SLC35B1: variants seen among roughly 807,000 people sequenced by gnomAD.
SLC35B1 encodes the protein ATP/ADP exchanger ER.
SLC35B1 carries 27 observed loss-of-function variants against 36.6 expected under a neutral mutation model. The observed-to-expected ratio is 0.74, with a 90% CI of 0.54 to 1.02. The LOEUF (loss-of-function observed/expected upper bound fraction) is 1.02, where lower values mean the gene tolerates loss of function less well. SLC35B1 is among the 50% of genes least tolerant of loss of function. The pLI is 0.00. For missense variants in SLC35B1, 321 were observed against 383.2 expected, an observed-to-expected ratio of 0.84 and a Z score of 1.35; for synonymous variants, 162 against 152.5, an observed-to-expected ratio of 1.06 and a Z score of -0.46.
In SLC35B1 at chr17:49,706,240, G is replaced by A. The variant is rs11552685; in HGVS notation, c.303C>T (p.Ser101=). The change falls in exon 3 of 9, where the codon AGC becomes AGT. Residue 101 remains serine, a synonymous_variant. Transcript: ENST00000240333. ...SISYLGAMVS[S]NSALQFVNYP... ...AGTTGACAAACTGTAGTGCTGAATTGCTGGAGACCATGGCACCCAGATAGG... is the reference window on the plus strand; with the variant it reads ...AGTTGACAAACTGTAGTGCTGAATTACTGGAGACCATGGCACCCAGATAGG... 2,773 of 1,607,516 alleles carry A rather than the reference G, an allele frequency of 1.7e-3. 24 individuals are homozygous for A. The East Asian group carries it at 0.021, about 12-fold the overall frequency.
At position 49,704,773 on chromosome 17, in the gene SLC35B1, A is replaced by AGCTAC. The variant is rs1443744418; in HGVS notation, c.528+346_528+350dup. On this transcript the variant is annotated intron_variant, in intron 5 of 8. Coordinates refer to ENST00000240333, the MANE Select transcript of SLC35B1 (RefSeq NM_005827.4). The stretch of plus-strand genomic sequence containing the variant: ...GAACAGTGCCTAATGCATACATACC[A>AGCTAC]GCTACTATCATATTATTTTAAACTC... Among the ~76,000 whole-genome samples the AGCTAC allele has an allele frequency of 3.9e-5, 6 of 152,344 alleles. No individual in the cohort carries two copies. In the South Asian group the frequency reaches 1.0e-3, roughly 26 times the overall value.
chr17:49,704,174 C>T lies in SLC35B1; in HGVS notation c.581G>A (p.Arg194Gln), dbSNP rs2073386448. The T allele has an allele frequency of 8.1e-6, 13 of 1,614,076 alleles. No homozygotes were observed. Among genetic ancestry groups the T allele is most frequent in the South Asian group, 2.2e-5 (2 of 91,084 alleles). ...GTTGGAGCCTGTTTGGTAATGAGCC[C>T]GCATGTGGTCCTGGGAAACACCAGT... ...GLTGVSQDHM[R>Q]AHYQTGSNHM... The change falls in exon 6 of 9, where the codon CGG (arginine) becomes CAG (glutamine). Residue 194 changes from arginine (R) to glutamine (Q), a missense_variant. Coordinates refer to ENST00000240333, the MANE Select transcript of SLC35B1 (RefSeq NM_005827.4).
At chr17:49,703,127 C>A in intron 7 of SLC35B1, 61 bp downstream of exon 7, 1 of 1,589,926 alleles carries the variant, frequency 6.3e-7, no homozygotes, top group South Asian at 1.1e-5. Context: ...CCAGGCCAGT[C>A]TTTCTTAGGG....
chr17:49,701,285 G>C lies in SLC35B1; in HGVS notation c.*173C>G, dbSNP rs1236001095. ...CATGAAGAACAAAAACCACCACTCT[G>C]TCTTGTTAAAATCCAAGTGCATTTT... On this transcript the variant is annotated 3_prime_UTR_variant, in exon 9 of 9. Coordinates refer to ENST00000240333, the MANE Select transcript of SLC35B1 (RefSeq NM_005827.4). 1 of 595,184 alleles carries C rather than the reference G, an allele frequency of 1.7e-6. No individual in the cohort carries two copies. Among genetic ancestry groups the C allele is most frequent in the African/African-American group, 1.9e-5 (1 of 53,680 alleles). The allele number at this position is 595,184 out of a possible 1,614,324, so 36.9% of individuals were successfully genotyped here. A position where few individuals can be genotyped will look rare whatever the true frequency, so the allele number is the denominator to read the frequency against.
At chr17:49,705,754 TG>T in intron 4 of SLC35B1, 111 bp downstream of exon 4, 1 of 1,037,736 alleles carries the variant, frequency 9.6e-7, no homozygotes, top group Non-Finnish European at 1.5e-6. Context: ...GGAAAGTCCC[TG>T]GAGACAGCCA....
At position 49,707,956 on chromosome 17, in the gene SLC35B1, GC is replaced by G; in HGVS notation, c.-124del. On this transcript the variant is annotated 5_prime_UTR_variant, in exon 1 of 9. Transcript: ENST00000240333. ...GGCAGGGGCCTCATAGGAGCTGCAT[GC>G]GACCGCTGTCCAGCAGGGCCCAGCA... 6.5e-7 allele frequency: 1 copy of G among 1,548,756 alleles called. No individual in the cohort carries two copies. The highest frequency in any genetic ancestry group is 8.7e-7 in the Non-Finnish European group (1 of 1,146,188).
At chr17:49,705,933 G>A (rs1001098651) in intron 3 of SLC35B1, 37 bp from the exon 4 acceptor site, 3 of 1,607,338 alleles carry the variant, frequency 1.9e-6, no homozygotes, top group Middle Eastern at 1.7e-4. Flanking sequence ...CTGAGCATCT[G>A]TGATGTGTCA....
At chr17:49,707,657 C>T (rs969087064) in intron 1 of SLC35B1, 73 bp downstream of exon 1, 1 of 1,538,262 alleles carries the variant, frequency 6.5e-7, no homozygotes, top group Non-Finnish European at 8.8e-7. Context: ...AAGCCCGGGT[C>T]CAGAGGCAGA....
Position 49,703,279 on chromosome 17 carries a change from C to T in SLC35B1, c.671G>A (p.Gly224Glu), listed in dbSNP as rs1184878280. ...LLLGMGILFT[G>E]ELWEFLSFAE... ...AAAGCTCAAGAACTCCCAGAGCTCC[C>T]CAGTGAACAGGATTCCTGAGAAGAC... The change falls in exon 7 of 9, where the codon GGG (glycine) becomes GAG (glutamate). Residue 224 changes from glycine to glutamate, a missense_variant. By Grantham distance (98) the Gly-to-Glu change is moderately conservative. Transcript: ENST00000240333. 6.2e-7 allele frequency: 1 copy of T among 1,612,904 alleles called. No homozygotes were observed. Among genetic ancestry groups the T allele is most frequent in the Admixed American group, 1.7e-5 (1 of 59,986 alleles).
Position 49,705,173 on chromosome 17 carries a change from T to C in SLC35B1, c.479A>G (p.Lys160Arg). Residue 160 changes from lysine to arginine, a missense_variant, in exon 5 of 9, where the codon AAA becomes AGA. Transcript: ENST00000240333. ...TGTGTGTTCTTCTATCCCAACAACT[T>C]TCTTGGGTTTGTACATGAAAAGGGC... is the stretch of plus-strand genomic sequence containing the variant. ...GVALFMYKPK[K>R]VVGIEEHTVG... The C allele has an allele frequency of 6.2e-7, 1 of 1,614,128 alleles. No individual in the cohort carries two copies. The highest frequency in any genetic ancestry group is 8.5e-7 in the Non-Finnish European group (1 of 1,180,024).
chr17:49,705,582 G>A (rs910941298), intron 4 of SLC35B1: 6 of 585,634 alleles, frequency 1.0e-5, no homozygotes, highest in African/African-American at 5.6e-5. Context: ...TGATCAAAAT[G>A]GGAATTAAGT....
In SLC35B1 at chr17:49,706,214, T is replaced by C; in HGVS notation, c.329A>G (p.Tyr110Cys). The change falls in exon 3 of 9, where the codon TAC becomes TGC. Residue 110 changes from tyrosine (Y) to cysteine (C), a missense_variant. Transcript: ENST00000240333. ...ACCCTGAGGTTTCACCTGAGTTGGG[T>C]AGTTGACAAACTGTAGTGCTGAATT... ...SSNSALQFVN[Y>C]PTQVLGKSCK... 6.3e-7 allele frequency: 1 copy of C among 1,599,994 alleles called. No individual in the cohort carries two copies. Among genetic ancestry groups the C allele is most frequent in the Non-Finnish European group, 8.5e-7 (1 of 1,176,444 alleles).
intron 6 of SLC35B1, 53 bp downstream of exon 6, chr17:49,704,047 G>A (rs772093260): frequency 1.2e-6 from 2 of 1,612,012 alleles, no homozygotes; most frequent in South Asian, 2.2e-5. Context: ...AAAAGGATGA[G>A]GGCAGCCTGC....
chr17:49,704,958 C>T (rs1183311135), intron 5 of SLC35B1, 166 bp downstream of exon 5: 5 of 601,422 alleles, frequency 8.3e-6, no homozygotes, highest in African/African-American at 5.6e-5. Context: ...TCAGGTTTCC[C>T]ACTATGGCAT....
At chr17:49,702,291 G>A (rs767155973) in intron 8 of SLC35B1, 4 of 154,174 alleles carry the variant, frequency 2.6e-5, no homozygotes, top group African/African-American at 7.2e-5. Context: ...GCTAATTTTT[G>A]TATTTTTTTG....
intron 1 of SLC35B1, chr17:49,707,486 C>T (rs1052009350): frequency 1.4e-6 from 2 of 1,473,280 alleles, no homozygotes; most frequent in Non-Finnish European, 1.8e-6. Flanking sequence ...AACGCAGGCC[C>T]TTAGAACCAA....
chr17:49,705,978 G>C, intron 3 of SLC35B1, 82 bp from the exon 4 acceptor site: 1 of 1,438,054 alleles, frequency 7.0e-7, no homozygotes, highest in Non-Finnish European at 9.8e-7. Flanking sequence ...ATTAAGATGA[G>C]TAAGCACAGG....
At chr17:49,701,783 T>G in intron 8 of SLC35B1, 1 of 374,218 alleles carries the variant, frequency 2.7e-6, no homozygotes, top group South Asian at 2.9e-5. Flanking sequence ...TAAAAGAAAT[T>G]TAAGAGTCAA....
intron 2 of SLC35B1, among the ~76,000 whole-genome samples, chr17:49,706,555 C>T (rs899541124): frequency 6.6e-6 from 1 of 151,984 alleles, no homozygotes; most frequent in African/African-American, 2.4e-5. Flanking sequence ...AACAAAAGAC[C>T]ACATGCAGGG....
Sources: allele counts gnomAD v4.1 joint callset (sites outside exome capture counted in the v4.1 genomes callset), GRCh38; gene constraint gnomAD v4.1.1; transcripts MANE v1.5; gene names NCBI Gene and HGNC (gene_info 2026-07-23, HGNC 2026-07-21).